The following PCDHA4 variants were observed in gnomAD, a reference collection of about 807,000 sequenced individuals.
PCDHA4 encodes the protein protocadherin alpha 4.
A neutral mutation model predicts 61.4 loss-of-function variants in PCDHA4; 49 were observed. That is an observed-to-expected ratio of 0.80 (90% CI 0.63 to 1.01). PCDHA4 has a LOEUF of 1.01. Ranked by LOEUF, PCDHA4 falls within the 50% of genes least tolerant of loss-of-function variation. The probability of loss-of-function intolerance (pLI) is 0.00; values close to 1 mark genes in which losing one functional copy is unlikely to be tolerated. For missense variants in PCDHA4, 1,254 were observed against 1,235.8 expected (o/e 1.01, Z -0.22); for synonymous variants, 590 against 550.3 (o/e 1.07, Z -1.01).
intron 1 of PCDHA4, chr5:140,863,366 C>A: frequency 8.4e-7 from 1 of 1,190,444 alleles, no homozygotes; most frequent in Non-Finnish European, 1.2e-6. Context: ...CGGTGCTTGG[C>A]GCAGCTCACC....
chr5:140,910,965 C>T (rs1554194514), intron 1 of PCDHA4, among the ~76,000 whole-genome samples: 1 of 152,098 alleles, frequency 6.6e-6, no homozygotes, highest in Non-Finnish European at 1.5e-5. Context: ...TAGCACACCT[C>T]CTCATGGGTT....
At chr5:140,925,643 T>TAATAATAATAAG (rs1195362666) in intron 1 of PCDHA4, among the ~76,000 whole-genome samples, 1 of 99,548 alleles carries the variant, frequency 1.0e-5, no homozygotes, top group Non-Finnish European at 2.0e-5. Context: ...ACTTAAAGTA[T>TAATAATAATAAG]AATAATAATA....
At chr5:140,887,192 G>A (rs2061344460) in intron 1 of PCDHA4, among the ~76,000 whole-genome samples, 1 of 151,802 alleles carries the variant, frequency 6.6e-6, no homozygotes, top group African/African-American at 2.4e-5. Flanking sequence ...CACCTCCCGG[G>A]TTCACGCCAT....
chr5:140,909,254 G>T (rs915513119), intron 1 of PCDHA4, among the ~76,000 whole-genome samples: 1 of 152,216 alleles, frequency 6.6e-6, no homozygotes, highest in Non-Finnish European at 1.5e-5. Context: ...TGCTGGCCTT[G>T]CTGACTGAAG....
chr5:140,913,284 G>A (rs1201275371), intron 1 of PCDHA4, among the ~76,000 whole-genome samples: 1 of 152,026 alleles, frequency 6.6e-6, no homozygotes, highest in Non-Finnish European at 1.5e-5. Context: ...GTCTGTTTAG[G>A]TTTTAATTTC....
chr5:140,875,806 A>G, intron 1 of PCDHA4: 1 of 1,614,204 alleles, frequency 6.2e-7, no homozygotes, highest in African/African-American at 1.3e-5. Context: ...GATCGTGGAC[A>G]GGCCGCTGCA....
At chr5:140,904,399 T>C (rs1583526237) in intron 1 of PCDHA4, among the ~76,000 whole-genome samples, 1 of 151,316 alleles carries the variant, frequency 6.6e-6, no homozygotes, top group East Asian at 1.9e-4. Flanking sequence ...TTCCATGGTG[T>C]ATTATATATA....
At chr5:140,918,595 A>T (rs2078770795) in intron 1 of PCDHA4, among the ~76,000 whole-genome samples, 1 of 152,228 alleles carries the variant, frequency 6.6e-6, no homozygotes, top group Non-Finnish European at 1.5e-5. Context: ...TGTTCTATAG[A>T]TGTTGCTATG....
chr5:140,959,038 A>ATG (rs1387162159), intron 1 of PCDHA4, among the ~76,000 whole-genome samples: 2 of 151,994 alleles, frequency 1.3e-5, no homozygotes, highest in Non-Finnish European at 2.9e-5. Flanking sequence ...ATGGGTATGT[A>ATG]TGTATAGGAA....
intron 1 of PCDHA4, chr5:140,822,708 C>G (rs2150118735): frequency 6.2e-7 from 1 of 1,610,702 alleles, no homozygotes; most frequent in South Asian, 1.1e-5. Context: ...ATTATGAAGA[C>G]TATAACTCAT....
chr5:140,887,711 T>C (rs1486449046), intron 1 of PCDHA4, among the ~76,000 whole-genome samples: 1 of 152,198 alleles, frequency 6.6e-6, no homozygotes, highest in African/African-American at 2.4e-5. Context: ...ATACTTCTTC[T>C]AATAGTTTTT....
At chr5:140,861,033 G>A (rs1443263351) in intron 1 of PCDHA4, 1 of 152,266 alleles carries the variant, frequency 6.6e-6, no homozygotes, top group Non-Finnish European at 1.5e-5. Flanking sequence ...CCGGCCGAAA[G>A]GTATTTTTTT....
chr5:140,870,581 T>C, intron 1 of PCDHA4: 1 of 1,613,826 alleles, frequency 6.2e-7, no homozygotes, highest in Non-Finnish European at 8.5e-7. Context: ...TCCTACTCGC[T>C]GGTGGAGCGG....
At chr5:140,815,841 T>C (rs2126667255) in intron 1 of PCDHA4, 2 of 152,220 alleles carry the variant, frequency 1.3e-5, no homozygotes, top group African/African-American at 4.8e-5. Context: ...AGACAAACTT[T>C]GGTGGATTTG....
At chr5:140,942,838 A>G (rs2093377015) in intron 1 of PCDHA4, among the ~76,000 whole-genome samples, 1 of 152,198 alleles carries the variant, frequency 6.6e-6, no homozygotes, top group Non-Finnish European at 1.5e-5. Context: ...GTCAATAAAA[A>G]TTCCAGTAAG....
chr5:140,818,428 T>G (rs1180551475), intron 1 of PCDHA4, among the ~76,000 whole-genome samples: 1 of 152,252 alleles, frequency 6.6e-6, no homozygotes, highest in Admixed American at 6.5e-5. Context: ...AATATATTTC[T>G]AACTTGGGTA....
intron 1 of PCDHA4, among the ~76,000 whole-genome samples, chr5:140,819,327 A>G (rs1171636879): frequency 6.6e-6 from 1 of 152,180 alleles, no homozygotes; most frequent in Non-Finnish European, 1.5e-5. Flanking sequence ...TGTAAGGAAT[A>G]AAGGACATTT....
intron 1 of PCDHA4, among the ~76,000 whole-genome samples, chr5:140,881,102 T>C (rs1470850677): frequency 1.3e-5 from 2 of 152,230 alleles, no homozygotes; most frequent in African/African-American, 4.8e-5. Flanking sequence ...ATTACACCAT[T>C]TGGCCTGGGA....
chr5:140,821,774 A>G (rs2150110561), intron 1 of PCDHA4: 43 of 1,605,178 alleles, frequency 2.7e-5, no homozygotes, highest in Non-Finnish European at 3.7e-5. Flanking sequence ...AACGAGATTG[A>G]GATGGTATAT....
Sources: allele counts gnomAD v4.1 joint callset (sites outside exome capture counted in the v4.1 genomes callset), GRCh38; gene constraint gnomAD v4.1.1; transcripts MANE v1.5; gene names NCBI Gene and HGNC (gene_info 2026-07-23, HGNC 2026-07-21).